The following SNX32 variants were observed in gnomAD, a reference collection of about 807,000 sequenced individuals.
SNX32 encodes the protein sorting nexin-32.
A neutral mutation model predicts 57.0 loss-of-function variants in SNX32; 58 were observed. The observed-to-expected ratio is 1.02, with a 90% confidence interval of 0.82 to 1.27. The LOEUF (loss-of-function observed/expected upper bound fraction) is 1.27. Ranked by LOEUF, SNX32 falls within the 50% of genes most tolerant of loss-of-function variation. The pLI is 0.00. For missense variants in SNX32, 589 were observed against 541.2 expected, an observed-to-expected ratio of 1.09 and a Z score of -0.88; for synonymous variants, 262 against 220.4, an observed-to-expected ratio of 1.19 and a Z score of -1.67.
rs1859099531 is a variant in SNX32, at chr11:65,849,580, A to G, written c.139A>G (p.Lys47Glu). The G allele has an allele frequency of 6.2e-7, 1 of 1,613,818 alleles. No individual in the cohort carries two copies. Among genetic ancestry groups the G allele is most frequent in the Admixed American group, 1.7e-5 (1 of 59,998 alleles). ...CAAGGTGAAATTCACTGTTCAAACA[A>G]AGGTGAGGCAGTGCGGGGCACGAGG... ...RDKVKFTVQT[K>E]SCLPHFAQTE... is the part of the protein sequence containing the mutation. Residue 47 changes from lysine to glutamate, a missense_variant and splice_region_variant, in exon 2 of 13, where the codon AAG (lysine) becomes GAG (glutamate). Lys to Glu is a moderately conservative substitution (Grantham distance 56, BLOSUM62 1). Transcript: ENST00000308342.
intron 1 of SNX32, among the ~76,000 whole-genome samples, chr11:65,844,332 G>A (rs1357879825): frequency 6.6e-6 from 1 of 152,020 alleles, no homozygotes; most frequent in Non-Finnish European, 1.5e-5. Flanking sequence ...ATACTTAATA[G>A]GTCAATTGAT....
chr11:65,850,351 C>T (rs761785546), intron 4 of SNX32, 80 bp downstream of exon 4: 65 of 1,612,878 alleles, frequency 4.0e-5, no homozygotes, highest in Non-Finnish European at 5.3e-5. Flanking sequence ...GTTTAGCAAC[C>T]CTGACCTCTG....
At chr11:65,847,124 C>A (rs760240924) in intron 1 of SNX32, among the ~76,000 whole-genome samples, 27 of 151,888 alleles carry the variant, frequency 1.8e-4, no homozygotes, top group Middle Eastern at 3.4e-3. Context: ...CCACCTCAGC[C>A]CCCCCCAAGT....
chr11:65,849,990 A>C lies in SNX32; in HGVS notation c.212A>C (p.His71Pro). The C allele has an allele frequency of 6.2e-7, 1 of 1,612,560 alleles. No individual in the cohort carries two copies. The highest frequency in any genetic ancestry group is 8.5e-7 in the Non-Finnish European group (1 of 1,178,762). Reference sequence around the variant, plus strand: ...CAGCACGAGGAGTTCATCTGGCTGCATGATGCCTACGTGGAGAATGAGGAG... The same window carrying C: ...CAGCACGAGGAGTTCATCTGGCTGCCTGATGCCTACGTGGAGAATGAGGAG... ...VRQHEEFIWL[H>P]DAYVENEEYA... The change falls in exon 3 of 13, where the codon CAT (histidine) becomes CCT (proline). Residue 71 changes from histidine to proline, a missense_variant. Physicochemically the swap from His to Pro is moderately conservative, Grantham distance 77. Transcript: ENST00000308342.
At chr11:65,843,174 TTG>T in intron 1 of SNX32, among the ~76,000 whole-genome samples, 1 of 143,728 alleles carries the variant, frequency 7.0e-6, no homozygotes, top group Non-Finnish European at 1.5e-5. Context: ...TGAGCCGAGA[TTG>T]CGCCAGTGCA....
At chr11:65,851,216 C>T in intron 7 of SNX32, 56 bp downstream of exon 7, 1 of 1,597,900 alleles carries the variant, frequency 6.3e-7, no homozygotes, top group South Asian at 1.1e-5. Context: ...AGCGGTTCAA[C>T]TCCTTGGGGG....
rs754803075 is a variant in SNX32 at position 65,853,301 on chromosome 11, G to A, written c.1178G>A (p.Arg393Gln). Residue 393 changes from arginine (R) to glutamine (Q), a missense_variant, in exon 13 of 13, where the codon CGG becomes CAG. Transcript: ENST00000308342. ...KHAKASTLIL[R>Q]NTLVALKGEP ...CTGCAGGCCAGCACCCTGATTCTCCGGAACACCCTTGTTGCCCTAAAGGGG... is the reference window on the plus strand; with the variant it reads ...CTGCAGGCCAGCACCCTGATTCTCCAGAACACCCTTGTTGCCCTAAAGGGG... 163 of 1,614,030 alleles carry A rather than the reference G, an allele frequency of 1.0e-4. 1 individual carries two copies. In the South Asian group the frequency reaches 1.5e-3, roughly 15 times the overall value.
At chr11:65,834,813 CGTGTGTCTGTGTGT>C (rs1162223815) in intron 1 of SNX32, among the ~76,000 whole-genome samples, 1 of 124,728 alleles carries the variant, frequency 8.0e-6, no homozygotes, top group African/African-American at 3.1e-5. Flanking sequence ...GTATGGTCTG[CGTGTGTCTGTGTGT>C]GTGTGTCTGT....
intron 1 of SNX32, among the ~76,000 whole-genome samples, chr11:65,842,427 G>A (rs761943588): frequency 2.6e-5 from 4 of 152,188 alleles, no homozygotes; most frequent in Non-Finnish European, 5.9e-5. Context: ...GGCTCAGGTG[G>A]ATCAACTGAG....
chr11:65,849,875 G>T, intron 2 of SNX32, 45 bp from the exon 3 acceptor site: 1 of 1,483,770 alleles, frequency 6.7e-7, no homozygotes, highest in African/African-American at 1.4e-5. Flanking sequence ...GCTGAGGCAG[G>T]GCTTGGGGCA....
At chr11:65,847,039 A>G (rs1859020391) in intron 1 of SNX32, among the ~76,000 whole-genome samples, 1 of 145,044 alleles carries the variant, frequency 6.9e-6, no homozygotes, top group Non-Finnish European at 1.5e-5. Context: ...ACAGTTTCTC[A>G]CTCTGTCACC....
chr11:65,849,962 C>A lies in SNX32; in HGVS notation c.184C>A (p.Arg62=). 1 of 1,602,746 alleles carries A rather than the reference C, an allele frequency of 6.2e-7. No homozygotes were observed. Among genetic ancestry groups the A allele is most frequent in the Admixed American group, 1.7e-5 (1 of 59,398 alleles). ...HFAQTEFSVV[R]QHEEFIWLHD... is the part of the protein sequence containing the mutation. ...CGCCCAGACCGAGTTCTCAGTCGTG[C>A]GGCAGCACGAGGAGTTCATCTGGCT... is the stretch of plus-strand genomic sequence containing the variant. Residue 62 remains arginine (R), a synonymous_variant, in exon 3 of 13, where the codon CGG becomes AGG. Transcript: ENST00000308342.
chr11:65,853,054 T>C (rs1859270802), intron 12 of SNX32, 96 bp downstream of exon 12: 4 of 1,383,990 alleles, frequency 2.9e-6, no homozygotes, highest in Non-Finnish European at 4.1e-6. Context: ...TGTGAGGGTG[T>C]GCACGCATGT....
At chr11:65,836,688 G>C (rs1478315609) in intron 1 of SNX32, among the ~76,000 whole-genome samples, 1 of 152,174 alleles carries the variant, frequency 6.6e-6, no homozygotes, top group Non-Finnish European at 1.5e-5. Context: ...TAGAGAAAAT[G>C]TGGCACATAT....
intron 1 of SNX32, among the ~76,000 whole-genome samples, chr11:65,837,467 T>C (rs1858698145): frequency 6.6e-6 from 1 of 152,090 alleles, no homozygotes; most frequent in South Asian, 2.1e-4. Context: ...TGAGCTGTGA[T>C]TGTGTCACTG....
chr11:65,843,627 G>A (rs1858910605), intron 1 of SNX32, among the ~76,000 whole-genome samples: 1 of 152,196 alleles, frequency 6.6e-6, no homozygotes. Context: ...AGCTTAAACT[G>A]TAACACCTCT....
intron 12 of SNX32, 53 bp downstream of exon 12, chr11:65,853,011 C>T: frequency 6.3e-7 from 1 of 1,577,416 alleles, no homozygotes; most frequent in East Asian, 2.2e-5. Flanking sequence ...CTCCCACCTC[C>T]CTCCCTCCCC....
At chr11:65,851,555 G>A in intron 8 of SNX32, 85 bp from the exon 9 acceptor site, 1 of 1,562,010 alleles carries the variant, frequency 6.4e-7, no homozygotes, top group South Asian at 1.1e-5. Flanking sequence ...AGGGGAGAGG[G>A]AGATTCCCAA....
intron 12 of SNX32, 31 bp from the exon 13 acceptor site, chr11:65,853,251 G>A (rs975785433): frequency 6.2e-7 from 1 of 1,613,922 alleles, no homozygotes. Flanking sequence ...CAGGGAGCAG[G>A]GGACTTCAAG....
Sources: allele counts gnomAD v4.1 joint callset (sites outside exome capture counted in the v4.1 genomes callset), GRCh38; gene constraint gnomAD v4.1.1; transcripts MANE v1.5; gene names NCBI Gene and HGNC (gene_info 2026-07-23, HGNC 2026-07-21).